The following RIMS1 variants were observed in gnomAD, a reference collection of about 807,000 sequenced individuals.
RIMS1 encodes regulating synaptic membrane exocytosis 1, also known as regulating synaptic membrane exocytosis protein 1.
RIMS1 carries 83 observed loss-of-function variants against 214.1 expected under a neutral mutation model. The ratio of observed to expected loss-of-function variants is 0.39; its 90% CI spans 0.32 to 0.47. The LOEUF (loss-of-function observed/expected upper bound fraction) is 0.47. Ranked by LOEUF, RIMS1 falls within the 20% of genes least tolerant of loss-of-function variation. The pLI, the probability that RIMS1 is intolerant of heterozygous loss-of-function variation, is 0.99. For missense variants in RIMS1, 2,050 were observed against 2,161.8 expected, an observed-to-expected ratio of 0.95 and a Z score of 1.03; for synonymous variants, 793 against 786.8, an observed-to-expected ratio of 1.01 and a Z score of -0.13.
chr6:72,039,815 A>G (rs1033698878), intron 2 of RIMS1, among the ~76,000 whole-genome samples: 1 of 152,080 alleles, frequency 6.6e-6, no homozygotes, highest in African/African-American at 2.4e-5. Context: ...AGAGACACTT[A>G]TCTAATACAG....
At chr6:72,110,744 A>G (rs2153819513) in intron 4 of RIMS1, among the ~76,000 whole-genome samples, 1 of 152,122 alleles carries the variant, frequency 6.6e-6, no homozygotes, top group African/African-American at 2.4e-5. Flanking sequence ...ACTATGTTGA[A>G]TAGGAGTGGT....
chr6:72,264,718 G>A (rs2079616424), intron 19 of RIMS1, among the ~76,000 whole-genome samples: 3 of 152,096 alleles, frequency 2.0e-5, no homozygotes, highest in Admixed American at 2.0e-4. Context: ...AATTCATAGA[G>A]TTTGGTTAGC....
intron 28 of RIMS1, among the ~76,000 whole-genome samples, chr6:72,318,715 C>T (rs2095970343): frequency 6.6e-6 from 1 of 152,126 alleles, no homozygotes; most frequent in South Asian, 2.1e-4. Context: ...CTGAGACACA[C>T]GTTTTTCCTT....
intron 1 of RIMS1, among the ~76,000 whole-genome samples, chr6:71,955,198 G>A (rs4346822): frequency 2.2e-4 from 33 of 151,300 alleles, no homozygotes; most frequent in African/African-American, 2.2e-4. Context: ...ACAGAGTCTC[G>A]CTCTGTCATC....
At chr6:71,944,659 A>G (rs1561937953) in intron 1 of RIMS1, among the ~76,000 whole-genome samples, 1 of 152,212 alleles carries the variant, frequency 6.6e-6, no homozygotes, top group Non-Finnish European at 1.5e-5. Context: ...TTTTTATGAA[A>G]AACAGGCTAA....
chr6:72,011,111 G>A (rs989019841), intron 2 of RIMS1, among the ~76,000 whole-genome samples: 71 of 152,220 alleles, frequency 4.7e-4, no homozygotes, highest in African/African-American at 1.7e-3. Flanking sequence ...AAACAGCATG[G>A]TACTGGTACC....
chr6:72,206,469 T>C (rs2052934616), intron 6 of RIMS1, among the ~76,000 whole-genome samples: 1 of 152,214 alleles, frequency 6.6e-6, no homozygotes, highest in African/African-American at 2.4e-5. Flanking sequence ...ATTATTATAG[T>C]TAATACTTAA....
chr6:72,372,707 A>C (rs2098256556), intron 29 of RIMS1, among the ~76,000 whole-genome samples: 1 of 152,250 alleles, frequency 6.6e-6, no homozygotes. Context: ...GAAAGAACTA[A>C]AAGTGGTTTC....
intron 1 of RIMS1, among the ~76,000 whole-genome samples, chr6:71,968,288 C>T (rs1794970122): frequency 6.6e-6 from 1 of 152,198 alleles, no homozygotes; most frequent in Non-Finnish European, 1.5e-5. Flanking sequence ...GTATCTCCTC[C>T]TGCTGCCCTT....
intron 1 of RIMS1, among the ~76,000 whole-genome samples, chr6:71,888,583 G>A (rs1051648917): frequency 1.2e-4 from 18 of 152,238 alleles, no homozygotes; most frequent in African/African-American, 3.9e-4. Flanking sequence ...GAGAGGAATG[G>A]AGGGAGGCTG....
chr6:72,287,423 G>A (rs1592034024), intron 24 of RIMS1, among the ~76,000 whole-genome samples: 2 of 152,098 alleles, frequency 1.3e-5, no homozygotes, highest in East Asian at 1.9e-4. Flanking sequence ...GACTAAAGAC[G>A]CAAATTTTTA....
At chr6:72,128,544 C>T (rs549092909) in intron 4 of RIMS1, among the ~76,000 whole-genome samples, 2 of 152,212 alleles carry the variant, frequency 1.3e-5, no homozygotes, top group Non-Finnish European at 2.9e-5. Context: ...GAGTGAGTCT[C>T]TGCTGGTCCC....
intron 31 of RIMS1, among the ~76,000 whole-genome samples, chr6:72,393,103 CTG>C (rs1266072894): frequency 7.0e-6 from 1 of 142,138 alleles, no homozygotes; most frequent in Non-Finnish European, 1.5e-5. Flanking sequence ...AAAAAAAAGA[CTG>C]TTCAGTAAAG....
At chr6:72,261,199 A>G in intron 19 of RIMS1, 1 of 1,015,618 alleles carries the variant, frequency 9.8e-7, no homozygotes, top group Non-Finnish European at 1.2e-6. Context: ...ATTTCCTTTT[A>G]GAATTTATTG....
chr6:72,023,170 T>A (rs1815255549), intron 2 of RIMS1, among the ~76,000 whole-genome samples: 1 of 152,148 alleles, frequency 6.6e-6, no homozygotes, highest in Non-Finnish European at 1.5e-5. Flanking sequence ...TCAATGTGAT[T>A]TAAATTACCC....
intron 1 of RIMS1, among the ~76,000 whole-genome samples, chr6:71,919,724 G>T (rs1003340227): frequency 6.6e-6 from 1 of 152,124 alleles, no homozygotes; most frequent in African/African-American, 2.4e-5. Context: ...GGCGGTGAGA[G>T]CCAGCTAAAG....
At chr6:72,148,403 C>T (rs2043038962) in intron 4 of RIMS1, among the ~76,000 whole-genome samples, 1 of 152,136 alleles carries the variant, frequency 6.6e-6, no homozygotes, top group South Asian at 2.1e-4. Context: ...AAGATGTCCC[C>T]ATTTTCTCTT....
At chr6:71,967,530 G>A (rs1353386834) in intron 1 of RIMS1, among the ~76,000 whole-genome samples, 5 of 152,126 alleles carry the variant, frequency 3.3e-5, no homozygotes, top group Non-Finnish European at 7.4e-5. Flanking sequence ...AGAAATCCTA[G>A]GACATTACAC....
At chr6:72,073,295 C>T (rs980894941) in intron 2 of RIMS1, among the ~76,000 whole-genome samples, 1 of 152,136 alleles carries the variant, frequency 6.6e-6, no homozygotes, top group Non-Finnish European at 1.5e-5. Flanking sequence ...CGTATTGGCT[C>T]TTCATACAAA....
Sources: gnomAD v4.1 joint callset for allele counts (sites outside exome capture counted in the v4.1 genomes callset) on GRCh38, gnomAD v4.1.1 for gene constraint, MANE v1.5 for transcripts, NCBI Gene and HGNC (gene_info 2026-07-23, HGNC 2026-07-21) for gene names.